The following SWAP70 variants were observed in gnomAD, a reference collection of about 807,000 sequenced individuals.
SWAP70 encodes switch-associated protein 70.
A neutral mutation model predicts 80.2 loss-of-function variants in SWAP70; 34 were observed. The observed-to-expected ratio is 0.42, with a 90% confidence interval of 0.32 to 0.56. The LOEUF is 0.56. SWAP70 is among the 20% of genes least tolerant of loss of function. The probability of loss-of-function intolerance (pLI) is 0.09; values close to 1 mark genes in which losing one functional copy is unlikely to be tolerated. For synonymous variants in SWAP70, 239 were observed against 238.5 expected (o/e 1.00, Z -0.02); for missense variants, 578 against 690.7 (o/e 0.84, Z 1.83).
rs1275114684 is a variant in SWAP70 at position 9,694,291 on chromosome 11, G to A, written c.240+5G>A. 3.7e-6 allele frequency: 6 copies of A among 1,608,088 alleles called. No individual in the cohort carries two copies. Among genetic ancestry groups the A allele is most frequent in the Non-Finnish European group, 5.1e-6 (6 of 1,177,588 alleles). ...AACAGGTTCATTTTGGAAAAGGTAT[G>A]ATTCTAACCTTTTTTTGGGTGTAGC... On this transcript the variant is annotated splice_donor_5th_base_variant and intron_variant, in intron 2 of 11. Transcript: ENST00000318950.
intron 3 of SWAP70, chr11:9,720,422 C>T (rs148351133): frequency 8.1e-6 from 8 of 985,268 alleles, no homozygotes; most frequent in Admixed American, 1.2e-4. Flanking sequence ...ACAAACATAA[C>T]AAGTCATCTG....
rs538193682 is a variant in SWAP70, at chr11:9,666,118, C to T, written c.99+1840C>T. On this transcript the variant is annotated intron_variant, in intron 1 of 11. Transcript: ENST00000318950. ...TTTTTTTTTCTGAGACACAGTCTTG[C>T]CCTGTTGCCCAGGCTGGAGTGCGGT... Among the ~76,000 whole-genome samples the T allele has an allele frequency of 6.8e-3, 1,017 of 149,310 alleles. 14 individuals are homozygous for T. The highest frequency in any genetic ancestry group is 0.023 in the African/African-American group (936 of 40,510).
intron 1 of SWAP70, among the ~76,000 whole-genome samples, chr11:9,686,386 G>A: frequency 2.2e-5 from 1 of 44,888 alleles, no homozygotes; most frequent in Non-Finnish European, 5.8e-5. Flanking sequence ...TGTGAGACAG[G>A]TTCTCGCTCA....
intron 2 of SWAP70, chr11:9,703,405 A>G: frequency 2.2e-6 from 1 of 456,010 alleles, no homozygotes; most frequent in Non-Finnish European, 4.4e-6. Flanking sequence ...GATTACCAAG[A>G]CCCTTCCTGC....
chr11:9,714,771 G>A (rs200946388), intron 3 of SWAP70, among the ~76,000 whole-genome samples: 1 of 150,968 alleles, frequency 6.6e-6, no homozygotes, highest in Non-Finnish European at 1.5e-5. Flanking sequence ...TGCTTACTTA[G>A]AAACAGCCAC....
chr11:9,705,087 C>T (rs1023334082), intron 2 of SWAP70, among the ~76,000 whole-genome samples: 3 of 134,754 alleles, frequency 2.2e-5, no homozygotes, highest in Non-Finnish European at 1.5e-5. Flanking sequence ...TCTGTATGCA[C>T]TGGTGATATG....
chr11:9,669,034 A>G (rs1042481950), intron 1 of SWAP70, among the ~76,000 whole-genome samples: 2 of 152,230 alleles, frequency 1.3e-5, no homozygotes, highest in Non-Finnish European at 2.9e-5. Flanking sequence ...TAAAAAACAT[A>G]AAGTCTGGTG....
At chr11:9,716,088 C>G (rs1851062624) in intron 3 of SWAP70, among the ~76,000 whole-genome samples, 1 of 152,144 alleles carries the variant, frequency 6.6e-6, no homozygotes, top group Non-Finnish European at 1.5e-5. Context: ...GATACATGTC[C>G]TTTCTTACTG....
chr11:9,680,578 G>T (rs1850554976), intron 1 of SWAP70, among the ~76,000 whole-genome samples: 1 of 152,016 alleles, frequency 6.6e-6, no homozygotes, highest in South Asian at 2.1e-4. Context: ...ACCACGCCTG[G>T]ATAATTTTTG....
intron 7 of SWAP70, 87 bp from the exon 8 acceptor site, chr11:9,738,126 C>T: frequency 1.2e-6 from 1 of 851,198 alleles, no homozygotes; most frequent in Non-Finnish European, 1.7e-6. Flanking sequence ...TTGGCTTTTC[C>T]TGTACTTAAG....
intron 2 of SWAP70, among the ~76,000 whole-genome samples, chr11:9,711,688 C>T (rs952375348): frequency 3.3e-5 from 5 of 152,160 alleles, no homozygotes; most frequent in Non-Finnish European, 7.3e-5. Context: ...GTGGTGTCTT[C>T]ACCAGACTGT....
At chr11:9,748,574 CTGG>C (rs1278249502) in intron 10 of SWAP70, among the ~76,000 whole-genome samples, 1 of 152,234 alleles carries the variant, frequency 6.6e-6, no homozygotes, top group Non-Finnish European at 1.5e-5. Flanking sequence ...CAGAAACTCA[CTGG>C]TGGTGAGCAC....
intron 1 of SWAP70, among the ~76,000 whole-genome samples, chr11:9,688,198 A>T (rs1850655325): frequency 6.6e-6 from 1 of 152,256 alleles, no homozygotes; most frequent in Non-Finnish European, 1.5e-5. Context: ...TTCACTTAGC[A>T]GTTATTGAAA....
chr11:9,737,217 G>A (rs887638827), intron 7 of SWAP70, among the ~76,000 whole-genome samples: 1 of 152,150 alleles, frequency 6.6e-6, no homozygotes, highest in Non-Finnish European at 1.5e-5. Context: ...TCCCAGGAAG[G>A]TATCATAGCC....
chr11:9,708,449 A>G (rs1469833119), intron 2 of SWAP70, among the ~76,000 whole-genome samples: 2 of 152,176 alleles, frequency 1.3e-5, no homozygotes, highest in Non-Finnish European at 2.9e-5. Flanking sequence ...TATTATTTGG[A>G]GACATGTCGA....
intron 1 of SWAP70, among the ~76,000 whole-genome samples, chr11:9,676,072 GC>G (rs1850496838): frequency 1.3e-5 from 2 of 152,158 alleles, no homozygotes; most frequent in African/African-American, 4.8e-5. Flanking sequence ...ATAGCAATAG[GC>G]TAATAGTGGG....
chr11:9,744,804 A>T (rs1176316674), intron 9 of SWAP70, among the ~76,000 whole-genome samples: 5 of 152,132 alleles, frequency 3.3e-5, no homozygotes, highest in Admixed American at 6.5e-5. Context: ...GCTACTCGGG[A>T]GGCTGAGACA....
At chr11:9,737,714 G>C (rs1339337994) in intron 7 of SWAP70, among the ~76,000 whole-genome samples, 3 of 152,158 alleles carry the variant, frequency 2.0e-5, no homozygotes, top group African/African-American at 7.2e-5. Flanking sequence ...TGGCCAACAT[G>C]ATGAAACCCC....
At chr11:9,671,152 T>A (rs1466573894) in intron 1 of SWAP70, among the ~76,000 whole-genome samples, 2 of 127,550 alleles carry the variant, frequency 1.6e-5, no homozygotes, top group African/African-American at 6.0e-5. Flanking sequence ...AATATAAAAA[T>A]ATATAAAATA....
Sources: allele counts gnomAD v4.1 joint callset (sites outside exome capture counted in the v4.1 genomes callset), GRCh38; gene constraint gnomAD v4.1.1; transcripts MANE v1.5; gene names NCBI Gene and HGNC (gene_info 2026-07-23, HGNC 2026-07-21).